Variants in RFX4 observed in about 807,000 individuals in gnomAD.
RFX4 encodes transcription factor RFX4.
Under a neutral mutation model 95.0 loss-of-function variants are expected in RFX4, and 10 were observed. The observed-to-expected ratio is 0.11, with a 90% CI of 0.06 to 0.18. RFX4 has a LOEUF of 0.18. Among genes scored for constraint, RFX4 ranks in the 10% least tolerant of loss-of-function variants. The pLI is 1.00. For missense variants in RFX4, 640 were observed against 922.0 expected, an observed-to-expected ratio of 0.69 and a Z score of 3.96; for synonymous variants, 321 against 340.7, an observed-to-expected ratio of 0.94 and a Z score of 0.64.
At chr12:106,702,038 T>G (rs2042001683) in intron 8 of RFX4, among the ~76,000 whole-genome samples, 1 of 152,080 alleles carries the variant, frequency 6.6e-6, no homozygotes, top group Non-Finnish European at 1.5e-5. Context: ...ATTAATATAT[T>G]AATTTTATAG....
rs1026249566 is a variant in RFX4, at chr12:106,720,123, C to A, written c.1233+69C>A. ...CCACCACTGCCCTCTGTGAACTTGG[C>A]CAAGACAAAGCCCTATGGTAAGCTA... On this transcript the variant is annotated intron_variant, in intron 12 of 17. Transcript: ENST00000392842. This position sits in a 1 kb window ranked among gnomAD's most constrained non-coding sequence, Gnocchi z 4.2. The A allele has an allele frequency of 4.2e-5, 56 of 1,329,678 alleles. No homozygotes were observed. The highest frequency in any genetic ancestry group is 8.4e-5 in the Admixed American group (5 of 59,232). The allele number at this position is 1,329,678 out of a possible 1,614,324, so 82.4% of individuals were successfully genotyped here.
intron 1 of RFX4, among the ~76,000 whole-genome samples, chr12:106,587,940 C>T (rs1256105918): frequency 6.6e-6 from 1 of 152,196 alleles, no homozygotes; most frequent in African/African-American, 2.4e-5. Flanking sequence ...TGATTCAACT[C>T]AGCCACTTGT....
intron 3 of RFX4, among the ~76,000 whole-genome samples, chr12:106,648,577 G>T (rs2040795558): frequency 7.1e-6 from 1 of 141,048 alleles, no homozygotes; most frequent in Non-Finnish European, 1.5e-5. Flanking sequence ...TAAAAATCCT[G>T]TTGTCTTGTA....
At chr12:106,730,680 A>G (rs968645331) in intron 13 of RFX4, among the ~76,000 whole-genome samples, 2 of 152,106 alleles carry the variant, frequency 1.3e-5, no homozygotes, top group African/African-American at 4.8e-5. Flanking sequence ...CAGAATGACA[A>G]AAAAAATAAT....
At chr12:106,733,203 G>C (rs1289439834) in intron 15 of RFX4, 118 bp downstream of exon 15, 22 of 1,126,956 alleles carry the variant, frequency 2.0e-5, no homozygotes, top group South Asian at 2.8e-5. Context: ...AGACATCTTG[G>C]CTCACACCTG....
intron 15 of RFX4, among the ~76,000 whole-genome samples, chr12:106,741,943 T>C (rs555164908): frequency 2.6e-4 from 39 of 152,326 alleles, no homozygotes; most frequent in African/African-American, 8.9e-4. Context: ...ATGCTGCTTC[T>C]GATCTGATAG....
chr12:106,709,372 G>A lies in RFX4; in HGVS notation c.876G>A (p.Glu292=), dbSNP rs2042150088. 6.2e-7 allele frequency: 1 copy of A among 1,613,096 alleles called. No homozygotes were observed. The highest frequency in any genetic ancestry group is 1.7e-5 in the Admixed American group (1 of 59,676). Residue 292 remains glutamate (E), a synonymous_variant, in exon 9 of 18, where the codon GAG becomes GAA. Transcript: ENST00000392842. ...GAAAGTTTGCCAAGCAACTGGATGA[G>A]TGGCTAAAAGTGGCTCTCCACGACC... is the stretch of plus-strand genomic sequence containing the variant. The part of the protein sequence containing the change: ...VIRKFAKQLD[E]WLKVALHDLP...
intron 4 of RFX4, among the ~76,000 whole-genome samples, chr12:106,670,025 C>G (rs369042267): frequency 6.6e-6 from 1 of 152,116 alleles, no homozygotes; most frequent in Non-Finnish European, 1.5e-5. Flanking sequence ...ATATTGATAG[C>G]AATCAATCAC....
At chr12:106,680,365 C>T (rs2041482312) in intron 4 of RFX4, among the ~76,000 whole-genome samples, 1 of 152,148 alleles carries the variant, frequency 6.6e-6, no homozygotes, top group African/African-American at 2.4e-5. Flanking sequence ...TCACCAACAC[C>T]TAGCCCTCCA....
intron 3 of RFX4, among the ~76,000 whole-genome samples, chr12:106,646,942 C>T (rs1204912411): frequency 1.3e-5 from 2 of 152,196 alleles, no homozygotes; most frequent in African/African-American, 2.4e-5. Flanking sequence ...GGCAGCAAAG[C>T]ATGGCTTAAT....
At chr12:106,608,300 G>A (rs766231545) in intron 1 of RFX4, among the ~76,000 whole-genome samples, 1 of 152,198 alleles carries the variant, frequency 6.6e-6, no homozygotes, top group Admixed American at 6.5e-5. Context: ...GCCAAAGGGA[G>A]GCAAGCTACA....
rs768098836 is a variant in RFX4, at chr12:106,684,632, C to T, written c.378-2252C>T. The T allele has an allele frequency of 8.2e-5, 108 of 1,309,546 alleles. No individual in the cohort carries two copies. In the East Asian group the frequency reaches 1.5e-3, roughly 18 times the overall value. 81.1% of individuals were successfully genotyped at this position (1,309,546 alleles called of 1,614,324 possible). ...TATAAAGGTGAACTTTTTAAGGTTACGGTGGTGTGTCATAACTGTCATCCC... is the reference window on the plus strand; with the variant it reads ...TATAAAGGTGAACTTTTTAAGGTTATGGTGGTGTGTCATAACTGTCATCCC... On this transcript the variant is annotated intron_variant, in intron 5 of 17. Transcript: ENST00000392842.
intron 1 of RFX4, among the ~76,000 whole-genome samples, chr12:106,591,584 G>A (rs1309584302): frequency 1.3e-5 from 2 of 152,076 alleles, no homozygotes; most frequent in South Asian, 4.1e-4. Context: ...CTTTTAAACT[G>A]TAAAGGCAAA....
intron 3 of RFX4, among the ~76,000 whole-genome samples, chr12:106,652,862 C>A (rs913296302): frequency 6.6e-6 from 1 of 152,202 alleles, no homozygotes; most frequent in African/African-American, 2.4e-5. Context: ...TTGGCAAATG[C>A]TCTCAGAGGG....
At chr12:106,664,296 C>A (rs756386828) in intron 4 of RFX4, among the ~76,000 whole-genome samples, 1 of 151,832 alleles carries the variant, frequency 6.6e-6, no homozygotes, top group Non-Finnish European at 1.5e-5. Flanking sequence ...TCAAATCTTT[C>A]AAGAAACTAG....
chr12:106,714,730 GAA>G (rs549575001), intron 10 of RFX4, among the ~76,000 whole-genome samples: 2 of 149,988 alleles, frequency 1.3e-5, no homozygotes, highest in African/African-American at 4.9e-5. Flanking sequence ...CAGCTTTAAA[GAA>G]AAAAAAATAC....
intron 7 of RFX4, among the ~76,000 whole-genome samples, chr12:106,690,827 C>G (rs1285091887): frequency 6.6e-6 from 1 of 152,202 alleles, no homozygotes; most frequent in Non-Finnish European, 1.5e-5. Flanking sequence ...TTACACTACT[C>G]AAATCTCTAA....
Position 106,731,806 on chromosome 12 carries a change from G to A in RFX4, c.1352-324G>A, listed in dbSNP as rs997865345. Among the ~76,000 whole-genome samples the A allele has an allele frequency of 2.0e-5, 3 of 152,116 alleles. No homozygotes were observed. In the South Asian group the frequency reaches 6.2e-4, roughly 32 times the overall value. On this transcript the variant is annotated intron_variant, in intron 13 of 17. Coordinates refer to ENST00000392842, the MANE Select transcript of RFX4 (RefSeq NM_213594.3). ...AGAGAGTGAGCGGTGCTCACATGAG[G>A]ATGAGGCCAGTGGGTAAGCAAGAGC...
intron 4 of RFX4, among the ~76,000 whole-genome samples, chr12:106,661,763 A>G (rs942102785): frequency 1.3e-5 from 2 of 152,142 alleles, no homozygotes; most frequent in African/African-American, 4.8e-5. Flanking sequence ...TGATCTTTTT[A>G]CAGTCTCTAG....
Sources: allele counts gnomAD v4.1 joint callset (sites outside exome capture counted in the v4.1 genomes callset), GRCh38; gene constraint gnomAD v4.1.1; non-coding constraint Gnocchi (gnomAD v3.1); transcripts MANE v1.5; gene names NCBI Gene and HGNC (gene_info 2026-07-23, HGNC 2026-07-21).